The following ENDOV variants were observed in gnomAD, a reference collection of about 807,000 sequenced individuals.
ENDOV encodes endonuclease V.
ENDOV carries 37 observed loss-of-function variants against 39.4 expected under a neutral mutation model. The ratio of observed to expected loss-of-function variants is 0.94; its 90% CI spans 0.72 to 1.23. The LOEUF (loss-of-function observed/expected upper bound fraction) is 1.23. Ranked by LOEUF, ENDOV falls within the 50% of genes most tolerant of loss-of-function variation. The pLI, the probability that ENDOV is intolerant of heterozygous loss-of-function variation, is 0.00. For synonymous variants in ENDOV, 186 were observed against 163.4 expected (o/e 1.14, Z -1.05); for missense variants, 441 against 375.7 (o/e 1.17, Z -1.44).
chr17:80,419,362 C>T (rs758847946), intron 2 of ENDOV: 126 of 521,610 alleles, frequency 2.4e-4, no homozygotes, highest in Non-Finnish European at 7.2e-5. Flanking sequence ...CCCTGACAAA[C>T]GATGGCGGAG....
chr17:80,427,309 T>G (rs999020177), intron 7 of ENDOV: 1 of 513,768 alleles, frequency 1.9e-6, no homozygotes, highest in Non-Finnish European at 2.5e-6. Flanking sequence ...ACAGGAACTT[T>G]AGGTCGTGCT....
intron 2 of ENDOV, chr17:80,419,628 TCTG>T: frequency 1.4e-6 from 1 of 702,902 alleles, no homozygotes; most frequent in Non-Finnish European, 2.6e-6. Context: ...TTCCCTGCCT[TCTG>T]CTTGTCAGCC....
intron 3 of ENDOV, 33 bp downstream of exon 3, chr17:80,421,995 T>C (rs1010760584): frequency 6.2e-7 from 1 of 1,601,276 alleles, no homozygotes; most frequent in African/African-American, 1.3e-5. Context: ...GAGAGAAAGG[T>C]CCCTCCTTCC....
At chr17:80,432,382 C>G (rs1410795281) in intron 9 of ENDOV, among the ~76,000 whole-genome samples, 2 of 152,090 alleles carry the variant, frequency 1.3e-5, no homozygotes, top group Admixed American at 1.3e-4. Flanking sequence ...CCCAGCACCC[C>G]TGTGGAGTCC....
chr17:80,428,524 C>T lies in ENDOV; in HGVS notation c.715-72C>T. 4 of 1,465,012 alleles carry T rather than the reference C, an allele frequency of 2.7e-6. No individual in the cohort carries two copies. In the Admixed American group the frequency reaches 8.0e-5, roughly 29 times the overall value. The allele number at this position is 1,465,012 out of a possible 1,614,324, so 90.8% of individuals were successfully genotyped here. A position where few individuals can be genotyped will look rare whatever the true frequency, so the allele number is the denominator to read the frequency against. Reference sequence around the variant, plus strand: ...CTTCTGTGGGGGATGGAGGCATTGCCAGCAGCAGCTCCTGGTGGGAAACTG... The same window carrying T: ...CTTCTGTGGGGGATGGAGGCATTGCTAGCAGCAGCTCCTGGTGGGAAACTG... On this transcript the variant is annotated intron_variant, in intron 7 of 9. Transcript: ENST00000518137.
At chr17:80,435,928 ATTTTTT>A (rs1256523753) in intron 9 of ENDOV, among the ~76,000 whole-genome samples, 199 bp from the exon 10 acceptor site, 1 of 150,782 alleles carries the variant, frequency 6.6e-6, no homozygotes, top group African/African-American at 2.4e-5. Flanking sequence ...GTTTTTCAAG[ATTTTTT>A]TGTAAAGACA....
intron 5 of ENDOV, chr17:80,424,036 C>T (rs2082386767): frequency 2.8e-6 from 1 of 357,654 alleles, no homozygotes; most frequent in Non-Finnish European, 5.0e-6. Context: ...AGCCTCCAGG[C>T]CCCCCTCCCG....
intron 9 of ENDOV, among the ~76,000 whole-genome samples, chr17:80,433,538 C>T (rs1349828617): frequency 6.6e-6 from 1 of 152,254 alleles, no homozygotes; most frequent in East Asian, 1.9e-4. Flanking sequence ...TCCTCTGGAG[C>T]CAGACAGGAC....
At chr17:80,422,707 CTTT>C (rs879874965) in intron 4 of ENDOV, among the ~76,000 whole-genome samples, 3 of 149,612 alleles carry the variant, frequency 2.0e-5, no homozygotes, top group African/African-American at 7.3e-5. Context: ...GAGATGGGCT[CTTT>C]TTTTTTTGAG....
chr17:80,421,996 C>CCCT, intron 3 of ENDOV, 34 bp downstream of exon 3: 1 of 1,600,464 alleles, frequency 6.2e-7, no homozygotes, highest in South Asian at 1.1e-5. Context: ...AGAGAAAGGT[C>CCCT]CCTCCTTCCC....
At chr17:80,435,008 G>C (rs1341682102) in intron 9 of ENDOV, among the ~76,000 whole-genome samples, 1 of 152,120 alleles carries the variant, frequency 6.6e-6, no homozygotes, top group African/African-American at 2.4e-5. Flanking sequence ...GGTGGTGAGC[G>C]CCTTCTCATG....
In ENDOV at chr17:80,423,650, G is replaced by A. The variant is rs1161593080; in HGVS notation, c.516+18G>A. ...AGGAGAAGGTGAGGAGGGGCCTGCTGCAGGCCATGCCCGGCAGCTCAGTGG... is the reference window on the plus strand; with the variant it reads ...AGGAGAAGGTGAGGAGGGGCCTGCTACAGGCCATGCCCGGCAGCTCAGTGG... On this transcript the variant is annotated intron_variant, in intron 5 of 9. Coordinates refer to ENST00000518137, the MANE Select transcript of ENDOV (RefSeq NM_173627.5). 2 of 1,547,586 alleles carry A rather than the reference G, an allele frequency of 1.3e-6. No homozygotes were observed. Among genetic ancestry groups the A allele is most frequent in the East Asian group, 2.4e-5 (1 of 40,902 alleles).
At chr17:80,418,405 TAGTC>T (rs2081489359) in intron 2 of ENDOV, 2 of 152,246 alleles carry the variant, frequency 1.3e-5, no homozygotes, top group African/African-American at 4.8e-5. Context: ...GTATTAAAGT[TAGTC>T]ATTTATGATT....
At chr17:80,436,073 T>C in intron 9 of ENDOV, 60 bp from the exon 10 acceptor site, 1 of 1,585,286 alleles carries the variant, frequency 6.3e-7, no homozygotes, top group Non-Finnish European at 8.6e-7. Context: ...CTTCCTCCTT[T>C]CCACTCTGAA....
chr17:80,425,112 G>T lies in ENDOV; in HGVS notation c.585+12G>T. The T allele has an allele frequency of 6.2e-7, 1 of 1,603,288 alleles. No homozygotes were observed. Among genetic ancestry groups the T allele is most frequent in the East Asian group, 2.2e-5 (1 of 44,514 alleles). On this transcript the variant is annotated intron_variant, in intron 6 of 9. Coordinates refer to ENST00000518137, the MANE Select transcript of ENDOV (RefSeq NM_173627.5). ...CTGTCCTGGGAATGGTGAGTAGCTAGGGCCCTGAGCTCCTCCAAAGCCCCG... is the reference window on the plus strand; with the variant it reads ...CTGTCCTGGGAATGGTGAGTAGCTATGGCCCTGAGCTCCTCCAAAGCCCCG...
At chr17:80,428,809 T>C in intron 8 of ENDOV, 149 bp downstream of exon 8, 2 of 752,604 alleles carry the variant, frequency 2.7e-6, no homozygotes, top group Non-Finnish European at 4.4e-6. Context: ...ACAGGAGAGG[T>C]CTTCAAAGAG....
intron 2 of ENDOV, among the ~76,000 whole-genome samples, chr17:80,421,074 C>T (rs1251188057): frequency 6.6e-6 from 1 of 152,210 alleles, no homozygotes; most frequent in African/African-American, 2.4e-5. Flanking sequence ...AAGCAAGGGG[C>T]AGGCAGAGGT....
Position 80,429,794 on chromosome 17 carries a change from A to T in ENDOV, c.801A>T (p.Pro267=), listed in dbSNP as rs749383640. 2 of 1,611,044 alleles carry T rather than the reference A, an allele frequency of 1.2e-6. No homozygotes were observed. Among genetic ancestry groups the T allele is most frequent in the Non-Finnish European group, 1.7e-6 (2 of 1,179,200 alleles). ...CCAGGAGCCCGAAGGCGCAGAGGCC[A>T]GTGGCATGCCCCAAAGGAGACTCCG... ...PTPRSPKAQR[P]VACPKGDSGE... is the part of the protein sequence containing the mutation. The change falls in exon 9 of 10, where the codon CCA becomes CCT. Residue 267 remains proline, a synonymous_variant. Coordinates refer to ENST00000518137, the MANE Select transcript of ENDOV (RefSeq NM_173627.5).
chr17:80,415,186 G>T lies in ENDOV; in HGVS notation c.-9G>T. 1 of 1,612,906 alleles carries T rather than the reference G, an allele frequency of 6.2e-7. No individual in the cohort carries two copies. Among genetic ancestry groups the T allele is most frequent in the Non-Finnish European group, 8.5e-7 (1 of 1,179,584 alleles). On this transcript the variant is annotated 5_prime_UTR_variant, in exon 1 of 10. Transcript: ENST00000518137. ...AGTGACGTGCGGAAGGGGTGCCCGG[G>T]ACGAAGCCATGGCCCTGGAGGCGGC...
Sources: allele counts gnomAD v4.1 joint callset (sites outside exome capture counted in the v4.1 genomes callset), GRCh38; gene constraint gnomAD v4.1.1; transcripts MANE v1.5; gene names NCBI Gene and HGNC (gene_info 2026-07-23, HGNC 2026-07-21).